PRKCB: variants seen among roughly 807,000 people sequenced by gnomAD.
PRKCB encodes the protein protein kinase C beta type.
In PRKCB, 13 loss-of-function variants were observed where a neutral mutation model predicts 81.5. The ratio of observed to expected loss-of-function variants is 0.16; its 90% confidence interval spans 0.10 to 0.25. The LOEUF is 0.25. Ranked by LOEUF, PRKCB falls within the 10% of genes least tolerant of loss-of-function variation. The pLI is 1.00. For synonymous variants in PRKCB, 335 were observed against 321.4 expected (o/e 1.04, Z -0.45); for missense variants, 509 against 875.7 (o/e 0.58, Z 5.29).
chr16:24,058,267 A>G (rs1965929602), intron 5 of PRKCB, among the ~76,000 whole-genome samples: 3 of 152,158 alleles, frequency 2.0e-5, no homozygotes, highest in African/African-American at 7.2e-5. Context: ...CTCTGTTTGC[A>G]TTTGTTTATT....
chr16:24,015,517 G>T (rs148672985), intron 3 of PRKCB, among the ~76,000 whole-genome samples: 1 of 152,226 alleles, frequency 6.6e-6, no homozygotes, highest in Non-Finnish European at 1.5e-5. Context: ...TGTCAGCCAG[G>T]TCTACCTGGG....
intron 2 of PRKCB, among the ~76,000 whole-genome samples, chr16:23,985,231 C>CT (rs1357715187): frequency 1.3e-5 from 2 of 152,200 alleles, no homozygotes; most frequent in East Asian, 3.9e-4. Context: ...CCTGGGACTA[C>CT]TACAGGCACC....
At chr16:24,066,726 C>T (rs566587357) in intron 5 of PRKCB, among the ~76,000 whole-genome samples, 1 of 152,156 alleles carries the variant, frequency 6.6e-6, no homozygotes, top group East Asian at 1.9e-4. Flanking sequence ...TGGTTTATGA[C>T]AATTTCTCAA....
chr16:24,107,111 A>G lies in PRKCB; in HGVS notation c.822-5862A>G, dbSNP rs1966588718. Among the ~76,000 whole-genome samples, 3 of 152,190 alleles carry G rather than the reference A, an allele frequency of 2.0e-5. No homozygotes were observed. In the South Asian group the frequency reaches 6.2e-4, roughly 32 times the overall value. Reference sequence around the variant, plus strand: ...TATCCATGCTGTGTTCACTGTCTCAAATGAATTTTTTAATTCAGTGATTAT... The same window carrying G: ...TATCCATGCTGTGTTCACTGTCTCAGATGAATTTTTTAATTCAGTGATTAT... On this transcript the variant is annotated intron_variant, in intron 7 of 16. Transcript: ENST00000643927.
In PRKCB at chr16:24,214,807, C is replaced by A. The variant is rs1596603424; in HGVS notation, c.2013C>A (p.Val671=). The part of the protein sequence containing the change: ...FVNSEFLKPE[V]KS ...ACTCTGAATTTTTAAAACCCGAAGT[C>A]AAGAGCTAAGTAGATGTGTAGATCT... is the stretch of plus-strand genomic sequence containing the variant. Residue 671 remains valine, a synonymous_variant, in exon 17 of 17, where the codon GTC becomes GTA. Transcript: ENST00000643927. 3 of 1,614,012 alleles carry A rather than the reference C, an allele frequency of 1.9e-6. No homozygotes were observed. Among genetic ancestry groups the A allele is most frequent in the East Asian group, 4.5e-5 (2 of 44,884 alleles).
At chr16:24,014,237 C>CT (rs1468365108) in intron 3 of PRKCB, among the ~76,000 whole-genome samples, 4 of 152,118 alleles carry the variant, frequency 2.6e-5, no homozygotes, top group African/African-American at 9.7e-5. Flanking sequence ...GCTCAGACCA[C>CT]TTCCCTTAGT....
At chr16:23,888,215 G>A (rs371118182) in intron 2 of PRKCB, among the ~76,000 whole-genome samples, 31 of 152,280 alleles carry the variant, frequency 2.0e-4, no homozygotes, top group African/African-American at 6.5e-4. Context: ...CTAGTTTCAG[G>A]CTGCCTCTTA....
chr16:24,113,484 C>T (rs1596554030), intron 8 of PRKCB, among the ~76,000 whole-genome samples: 1 of 147,816 alleles, frequency 6.8e-6, no homozygotes, highest in African/African-American at 2.5e-5. Flanking sequence ...TTCCTTTCTT[C>T]CTTCCTTCCT....
At chr16:23,995,322 C>A (rs550287362) in intron 3 of PRKCB, among the ~76,000 whole-genome samples, 7 of 152,210 alleles carry the variant, frequency 4.6e-5, no homozygotes, top group Non-Finnish European at 1.0e-4. Flanking sequence ...GTCCAGACTG[C>A]TGTGCAAGCT....
chr16:24,198,915 C>T (rs1428178237), intron 16 of PRKCB, among the ~76,000 whole-genome samples: 4 of 152,172 alleles, frequency 2.6e-5, no homozygotes, highest in African/African-American at 9.7e-5. Flanking sequence ...GACATCACTA[C>T]AATGCTCATT....
intron 9 of PRKCB, among the ~76,000 whole-genome samples, chr16:24,139,103 C>T (rs1221535995): frequency 6.6e-6 from 1 of 152,144 alleles, no homozygotes; most frequent in Non-Finnish European, 1.5e-5. Flanking sequence ...CCACCTGTCT[C>T]AGCCTCCCCA....
intron 3 of PRKCB, among the ~76,000 whole-genome samples, chr16:23,995,716 C>T (rs1212695139): frequency 2.0e-5 from 3 of 152,180 alleles, no homozygotes; most frequent in Admixed American, 6.5e-5. Flanking sequence ...GGCACAAGTA[C>T]GATACATGAA....
intron 16 of PRKCB, among the ~76,000 whole-genome samples, chr16:24,192,960 CT>C (rs1468113815): frequency 6.6e-6 from 1 of 151,512 alleles, no homozygotes; most frequent in African/African-American, 2.4e-5. Context: ...GAATCATCTC[CT>C]TTTTTTTCTT....
chr16:23,989,264 T>TATG (rs1450805214), intron 3 of PRKCB, among the ~76,000 whole-genome samples: 3 of 151,866 alleles, frequency 2.0e-5, no homozygotes, highest in Non-Finnish European at 4.4e-5. Flanking sequence ...GTGCCCGGCC[T>TATG]ATTATTATTA....
At chr16:24,007,941 T>C (rs577179691) in intron 3 of PRKCB, among the ~76,000 whole-genome samples, 3 of 151,844 alleles carry the variant, frequency 2.0e-5, no homozygotes, top group African/African-American at 7.3e-5. Context: ...ATGAGGTTCA[T>C]GCCCTCATGA....
intron 10 of PRKCB, among the ~76,000 whole-genome samples, chr16:24,164,261 C>T (rs1967308136): frequency 1.3e-5 from 2 of 152,166 alleles, no homozygotes; most frequent in African/African-American, 4.8e-5. Context: ...GTGAATTCTG[C>T]ACCTCCCACC....
chr16:24,041,195 G>A (rs771396471), intron 5 of PRKCB, among the ~76,000 whole-genome samples: 25 of 151,110 alleles, frequency 1.7e-4, no homozygotes, highest in Admixed American at 9.3e-4. Flanking sequence ...GACTACAGGC[G>A]CATGCCACCA....
intron 2 of PRKCB, among the ~76,000 whole-genome samples, chr16:23,926,751 G>A (rs1279265777): frequency 5.3e-5 from 8 of 151,390 alleles, no homozygotes; most frequent in African/African-American, 1.7e-4. Flanking sequence ...CCATATCTTT[G>A]CTATTGTACT....
chr16:24,216,799 A>T lies in PRKCB; in HGVS notation c.*1983A>T, dbSNP rs1455906184. 1.0e-6 allele frequency: 1 copy of T among 985,362 alleles called. No individual in the cohort carries two copies. The highest frequency in any genetic ancestry group is 1.1e-4 in the East Asian group (1 of 8,822). 61.0% of individuals were successfully genotyped at this position (985,362 alleles called of 1,614,324 possible). A position where few individuals can be genotyped will look rare whatever the true frequency, so the allele number is the denominator to read the frequency against. On this transcript the variant is annotated 3_prime_UTR_variant, in exon 17 of 17. Transcript: ENST00000643927. The stretch of plus-strand genomic sequence containing the variant: ...AATCGGAGCAAAGCTCCCTCACTTT[A>T]TTGTTGAGAAACTGGCATCTGGAAA...
Sources: gnomAD v4.1 joint callset for allele counts (sites outside exome capture counted in the v4.1 genomes callset) on GRCh38, gnomAD v4.1.1 for gene constraint, MANE v1.5 for transcripts, NCBI Gene and HGNC (gene_info 2026-07-23, HGNC 2026-07-21) for gene names.